Variants in FARS2 observed in about 807,000 individuals in gnomAD.
The protein encoded by FARS2 is phenylalanine--tRNA ligase, mitochondrial.
FARS2 carries 40 observed loss-of-function variants against 46.4 expected under a neutral mutation model. The observed-to-expected ratio is 0.86, with a 90% CI of 0.67 to 1.12. The LOEUF is 1.12. FARS2 is among the 50% of genes most tolerant of loss of function. The pLI is 0.00. For missense variants in FARS2, 513 were observed against 567.9 expected (o/e 0.90, Z 0.98); for synonymous variants, 234 against 214.9 (o/e 1.09, Z -0.78).
chr6:5,769,281 T>C (rs74980461), intron 6 of FARS2, among the ~76,000 whole-genome samples: 9,663 of 152,296 alleles, frequency 0.063, 676 homozygotes, highest in East Asian at 0.27. Context: ...ACCAAATAAC[T>C]GTAAATGGAG....
intron 1 of FARS2, among the ~76,000 whole-genome samples, chr6:5,278,359 T>C (rs147868906): frequency 6.6e-6 from 1 of 152,218 alleles, no homozygotes. Flanking sequence ...TTGCCACGAG[T>C]GCTGGGGTCT....
At chr6:5,549,385 G>C (rs1426302091) in intron 5 of FARS2, among the ~76,000 whole-genome samples, 1 of 152,038 alleles carries the variant, frequency 6.6e-6, no homozygotes, top group Non-Finnish European at 1.5e-5. Context: ...CCTGTGTCCA[G>C]GTGTTCTCAT....
At chr6:5,417,676 T>C (rs921209641) in intron 3 of FARS2, among the ~76,000 whole-genome samples, 1 of 152,238 alleles carries the variant, frequency 6.6e-6, no homozygotes, top group African/African-American at 2.4e-5. Flanking sequence ...GTTTTCTTTG[T>C]CACTGGTTTT....
rs1226821976 is a variant in FARS2, at chr6:5,296,412, A to G, written c.-22+34752A>G. Among the ~76,000 whole-genome samples the G allele has an allele frequency of 5.3e-5, 8 of 152,172 alleles. No homozygotes were observed. In the East Asian group the frequency reaches 1.5e-3, roughly 29 times the overall value. On this transcript the variant is annotated intron_variant, in intron 1 of 6. Coordinates refer to ENST00000274680, the MANE Select transcript of FARS2 (RefSeq NM_006567.5). ...CGCCTTGGCCTCCCAAAGTGCTGGG[A>G]TTACAGGCGTGCGCCACTGTGCCTG...
chr6:5,327,638 G>A (rs1287452689), intron 1 of FARS2, among the ~76,000 whole-genome samples: 1 of 152,170 alleles, frequency 6.6e-6, no homozygotes, highest in East Asian at 1.9e-4. Context: ...GTGAAACTGT[G>A]ATGCCATTAA....
chr6:5,480,167 G>A (rs1766368986), intron 4 of FARS2, among the ~76,000 whole-genome samples: 1 of 152,248 alleles, frequency 6.6e-6, no homozygotes, highest in Admixed American at 6.5e-5. Context: ...TAGCTAATGT[G>A]ATTAGTGACT....
At chr6:5,515,771 T>C (rs868611175) in intron 4 of FARS2, among the ~76,000 whole-genome samples, 2 of 152,346 alleles carry the variant, frequency 1.3e-5, no homozygotes, top group South Asian at 4.1e-4. Context: ...TTGATAATTT[T>C]ATAGGACTTT....
At chr6:5,756,477 T>C (rs934218289) in intron 6 of FARS2, among the ~76,000 whole-genome samples, 3 of 151,408 alleles carry the variant, frequency 2.0e-5, no homozygotes, top group African/African-American at 7.3e-5. Context: ...GAAGCAGACA[T>C]GTCTTACCAT....
Position 5,602,670 on chromosome 6 carries a change from A to AAAAAAGG in FARS2, c.1066-10499_1066-10498insAAAAAGG, listed in dbSNP as rs1554114901. ...CAAAAAAAAAAAAAAAAAAAAAAAA[A>AAAAAAGG]GGGAACCTCCCAGGATTTTAACCTT... On this transcript the variant is annotated intron_variant, in intron 5 of 6. Coordinates refer to ENST00000274680, the MANE Select transcript of FARS2 (RefSeq NM_006567.5). Among the ~76,000 whole-genome samples, 76 of 137,710 alleles carry AAAAAAGG rather than the reference A, an allele frequency of 5.5e-4. 1 individual carries two copies. The highest frequency in any genetic ancestry group is 1.4e-3 in the East Asian group (7 of 4,868). 90.3% of individuals were successfully genotyped at this position (137,710 alleles called of 152,430 possible).
At chr6:5,526,364 C>T (rs1471754229) in intron 4 of FARS2, among the ~76,000 whole-genome samples, 1 of 152,118 alleles carries the variant, frequency 6.6e-6, no homozygotes, top group Non-Finnish European at 1.5e-5. Flanking sequence ...AAAACAACTC[C>T]CTCTAGTAAA....
intron 4 of FARS2, among the ~76,000 whole-genome samples, chr6:5,496,104 G>A (rs1377516802): frequency 1.3e-5 from 2 of 152,130 alleles, no homozygotes; most frequent in African/African-American, 2.4e-5. Flanking sequence ...CGATTACTAC[G>A]GCCATATAAA....
chr6:5,625,032 A>G (rs889224574), intron 6 of FARS2, among the ~76,000 whole-genome samples: 2 of 152,142 alleles, frequency 1.3e-5, no homozygotes, highest in African/African-American at 4.8e-5. Context: ...CATCCCACAC[A>G]TGGCTCAGCC....
At chr6:5,398,823 T>C (rs947960703) in intron 2 of FARS2, among the ~76,000 whole-genome samples, 1 of 152,284 alleles carries the variant, frequency 6.6e-6, no homozygotes, top group East Asian at 1.9e-4. Context: ...AGAAACCTGG[T>C]TCTTCTTACT....
intron 6 of FARS2, among the ~76,000 whole-genome samples, chr6:5,643,835 A>G (rs1458510016): frequency 6.6e-6 from 1 of 152,128 alleles, no homozygotes; most frequent in African/African-American, 2.4e-5. Flanking sequence ...GAATAATTCT[A>G]CCTAGAAGAA....
intron 4 of FARS2, among the ~76,000 whole-genome samples, chr6:5,454,164 C>T (rs1764679990): frequency 1.4e-5 from 2 of 145,200 alleles, no homozygotes; most frequent in Admixed American, 6.9e-5. Context: ...GTACTTTTAT[C>T]AGTGCCATTT....
At chr6:5,388,685 A>G (rs780942300) in intron 2 of FARS2, among the ~76,000 whole-genome samples, 7 of 152,164 alleles carry the variant, frequency 4.6e-5, no homozygotes, top group Non-Finnish European at 8.8e-5. Flanking sequence ...CCATTACAAA[A>G]TCATTCATGA....
intron 1 of FARS2, among the ~76,000 whole-genome samples, chr6:5,348,800 C>T (rs1757399044): frequency 6.6e-6 from 1 of 151,948 alleles, no homozygotes; most frequent in Non-Finnish European, 1.5e-5. Context: ...AATAAAAACT[C>T]TCAACAAACT....
chr6:5,392,248 C>G (rs1437646007), intron 2 of FARS2, among the ~76,000 whole-genome samples: 1 of 152,162 alleles, frequency 6.6e-6, no homozygotes, highest in Non-Finnish European at 1.5e-5. Flanking sequence ...TCTCTTCCAG[C>G]TCCAGTGTTA....
intron 4 of FARS2, chr6:5,458,062 C>A (rs1393126978): frequency 6.6e-6 from 1 of 152,522 alleles, no homozygotes; most frequent in South Asian, 2.1e-4. Context: ...CTCTGCCCAG[C>A]CCTCTCCTGC....
Sources: gnomAD v4.1 joint callset for allele counts (sites outside exome capture counted in the v4.1 genomes callset) on GRCh38, gnomAD v4.1.1 for gene constraint, MANE v1.5 for transcripts, NCBI Gene and HGNC (gene_info 2026-07-23, HGNC 2026-07-21) for gene names.